UNC13C: variants seen among roughly 807,000 people sequenced by gnomAD.
The protein encoded by UNC13C is protein unc-13 homolog C.
In UNC13C, 174 loss-of-function variants were observed where a neutral mutation model predicts 245.4. The ratio of observed to expected loss-of-function variants is 0.71; its 90% CI spans 0.63 to 0.80. The LOEUF is 0.80. Among genes scored for constraint, UNC13C ranks in the 30% least tolerant of loss-of-function variants. UNC13C has a pLI of 0.00. For missense variants in UNC13C, 2,829 were observed against 2,602.9 expected (o/e 1.09, Z -1.89); for synonymous variants, 992 against 895.1 (o/e 1.11, Z -1.93).
chr15:54,632,056 A>G (rs796729133), downstream of UNC13C: 16 of 152,332 alleles, frequency 1.1e-4, no homozygotes, highest in African/African-American at 3.8e-4. Context: ...TAGCATCTCA[A>G]CATGCCTTTA....
the UNC13C span, among the ~76,000 whole-genome samples, chr15:53,916,316 A>G: frequency 1.3e-5 from 2 of 152,230 alleles, no homozygotes; most frequent in Admixed American, 6.5e-5. Context: ...AACATGATCC[A>G]TTTGAGAAGG....
chr15:54,525,432 A>T, intron 24 of UNC13C, 117 bp from the exon 25 acceptor site: 3 of 549,062 alleles, frequency 5.5e-6, no homozygotes, highest in Non-Finnish European at 8.9e-6. Flanking sequence ...AAAAAAGAAG[A>T]GAAAAAAGCT....
At chr15:54,469,728 T>A (rs1892359426) in intron 19 of UNC13C, among the ~76,000 whole-genome samples, 1 of 151,540 alleles carries the variant, frequency 6.6e-6, no homozygotes, top group Admixed American at 6.6e-5. Context: ...GTGAGTATTT[T>A]CAATCAATGG....
At chr15:53,980,115 G>C (rs1430432187) in intron 1 of UNC13C, among the ~76,000 whole-genome samples, 1 of 152,094 alleles carries the variant, frequency 6.6e-6, no homozygotes, top group Admixed American at 6.5e-5. Flanking sequence ...ATGCAATAGA[G>C]GTAAGTGGGC....
chr15:54,228,141 G>T (rs2035446845), intron 4 of UNC13C, among the ~76,000 whole-genome samples: 1 of 152,058 alleles, frequency 6.6e-6, no homozygotes, highest in African/African-American at 2.4e-5. Flanking sequence ...CACTGCCCTA[G>T]GCCCATAGTG....
At position 54,402,830 on chromosome 15, in the gene UNC13C, G is replaced by C. The variant is rs370323857; in HGVS notation, c.4847+9649G>C. Among the ~76,000 whole-genome samples the C allele has an allele frequency of 1.2e-4, 19 of 152,234 alleles. 2 individuals carry two copies. The highest frequency in any genetic ancestry group is 9.8e-4 in the Admixed American group (15 of 15,300). On this transcript the variant is annotated intron_variant, in intron 18 of 32. Transcript: ENST00000260323. ...AAGGATCCCATAAATAAGATGGTGA[G>C]CATTAATCCTTCCAAATATTTCTGA... is the stretch of plus-strand genomic sequence containing the variant.
chr15:53,927,434 G>A, the UNC13C span, among the ~76,000 whole-genome samples: 1 of 152,172 alleles, frequency 6.6e-6, no homozygotes, highest in Non-Finnish European at 1.5e-5. Flanking sequence ...CAGGTTCAAA[G>A]GATATGTTTG....
intron 2 of UNC13C, among the ~76,000 whole-genome samples, chr15:54,084,166 G>A (rs1326628387): frequency 6.6e-6 from 1 of 152,190 alleles, no homozygotes; most frequent in African/African-American, 2.4e-5. Context: ...CACCCCAGCT[G>A]TCCTGGCTCT....
At chr15:54,439,998 C>G (rs1375406885) in intron 19 of UNC13C, among the ~76,000 whole-genome samples, 1 of 151,908 alleles carries the variant, frequency 6.6e-6, no homozygotes, top group Non-Finnish European at 1.5e-5. Flanking sequence ...TGGCTGTGTC[C>G]TCACCCAAAT....
At chr15:54,500,401 T>A (rs781140137) in intron 21 of UNC13C, among the ~76,000 whole-genome samples, 7 of 152,078 alleles carry the variant, frequency 4.6e-5, no homozygotes, top group African/African-American at 9.7e-5. Flanking sequence ...AAGATTTTCT[T>A]TAATTCTTAC....
chr15:53,837,726 G>C, the UNC13C span, among the ~76,000 whole-genome samples: 1 of 152,072 alleles, frequency 6.6e-6, no homozygotes, highest in African/African-American at 2.4e-5. Context: ...CACTGGAATT[G>C]ATTTCTTGTG....
At chr15:53,846,098 A>G in the UNC13C span, among the ~76,000 whole-genome samples, 1 of 152,194 alleles carries the variant, frequency 6.6e-6, no homozygotes, top group Non-Finnish European at 1.5e-5. Context: ...GTAGGCTAAT[A>G]TAAGTGTTCT....
chr15:53,976,477 C>CTCTTTTTTT (rs1325952003), upstream of UNC13C, among the ~76,000 whole-genome samples: 10 of 63,020 alleles, frequency 1.6e-4, no homozygotes, highest in Admixed American at 5.6e-4. Flanking sequence ...CTCTCTCTCT[C>CTCTTTTTTT]TTTTTTTTTT....
intron 17 of UNC13C, among the ~76,000 whole-genome samples, chr15:54,355,204 T>C (rs1375034779): frequency 6.6e-6 from 1 of 152,232 alleles, no homozygotes; most frequent in Non-Finnish European, 1.5e-5. Flanking sequence ...TTCCAGTTAT[T>C]TTGTTACGAT....
At chr15:54,095,556 G>A (rs922380542) in intron 2 of UNC13C, among the ~76,000 whole-genome samples, 2 of 152,170 alleles carry the variant, frequency 1.3e-5, no homozygotes, top group Non-Finnish European at 2.9e-5. Context: ...TGTGGTCTTA[G>A]TACCAGCAGC....
chr15:53,993,342 G>C (rs1208325025), intron 1 of UNC13C, among the ~76,000 whole-genome samples: 1 of 152,094 alleles, frequency 6.6e-6, no homozygotes, highest in Non-Finnish European at 1.5e-5. Context: ...TTAGTCATTG[G>C]ATGTATAAAG....
chr15:54,207,566 G>C (rs12591055), intron 4 of UNC13C, among the ~76,000 whole-genome samples: 27,178 of 151,884 alleles, frequency 0.18, 2,755 homozygotes, highest in East Asian at 0.24. Flanking sequence ...TGAGGGAATG[G>C]AATAATTCAT....
Position 54,211,365 on chromosome 15 carries a change from C to G in UNC13C, c.3072-23665C>G, listed in dbSNP as rs553353531. On this transcript the variant is annotated intron_variant, in intron 4 of 32. Transcript: ENST00000260323. ...GTGAAGTGACAAATTATAGGAGTTC[C>G]TTACTGGGATATTAGCAAGAGTTAT... 7.9e-5 allele frequency among the ~76,000 whole-genome samples: 12 copies of G among 152,080 alleles called. No homozygotes were observed. The South Asian group carries it at 1.7e-3, about 21-fold the overall frequency.
At chr15:54,200,954 A>G (rs950712497) in intron 4 of UNC13C, among the ~76,000 whole-genome samples, 3 of 152,112 alleles carry the variant, frequency 2.0e-5, no homozygotes, top group Non-Finnish European at 4.4e-5. Flanking sequence ...AGAAGATCCA[A>G]ATAGGCTCAG....
Sources: allele counts gnomAD v4.1 joint callset (sites outside exome capture counted in the v4.1 genomes callset), GRCh38; gene constraint gnomAD v4.1.1; transcripts MANE v1.5; gene names NCBI Gene and HGNC (gene_info 2026-07-23, HGNC 2026-07-21).